The following DIAPH1 variants were observed in gnomAD, a reference collection of about 807,000 sequenced individuals.
DIAPH1 encodes diaphanous related formin 1.
A neutral mutation model predicts 140.7 loss-of-function variants in DIAPH1; 46 were observed. The observed-to-expected ratio is 0.33, with a 90% CI of 0.26 to 0.42. The LOEUF (loss-of-function observed/expected upper bound fraction) is 0.42. Ranked by LOEUF, DIAPH1 falls within the 10% of genes least tolerant of loss-of-function variation. DIAPH1 has a pLI of 1.00. For synonymous variants in DIAPH1, 565 were observed against 551.6 expected, an observed-to-expected ratio of 1.02 and a Z score of -0.34; for missense variants, 1,310 against 1,558.7, an observed-to-expected ratio of 0.84 and a Z score of 2.69.
intron 1 of DIAPH1, among the ~76,000 whole-genome samples, chr5:141,617,936 A>C (rs920046078): frequency 6.6e-6 from 1 of 152,232 alleles, no homozygotes; most frequent in Admixed American, 6.5e-5. Flanking sequence ...GGCAGTAGAA[A>C]AGGAGTAGAG....
At chr5:141,592,294 G>A (rs2154596864) in intron 1 of DIAPH1, among the ~76,000 whole-genome samples, 1 of 152,098 alleles carries the variant, frequency 6.6e-6, no homozygotes, top group East Asian at 1.9e-4. Context: ...CACTCAAACA[G>A]CAAGCTCAAT....
chr5:141,520,709 A>C (rs1307188619), intron 27 of DIAPH1, among the ~76,000 whole-genome samples: 1 of 152,138 alleles, frequency 6.6e-6, no homozygotes, highest in Admixed American at 6.6e-5. Context: ...ACCTTCCTGA[A>C]GCAATGTCAT....
chr5:141,601,083 G>T (rs1193251880), intron 1 of DIAPH1, among the ~76,000 whole-genome samples: 3 of 151,940 alleles, frequency 2.0e-5, no homozygotes, highest in African/African-American at 4.8e-5. Context: ...GTTGTGGGAT[G>T]GGGGGAGAGG....
At position 141,515,248 on chromosome 5, in the gene DIAPH1, CA is replaced by C. The variant is rs2099885505; in HGVS notation, c.*1602del. 6.6e-6 allele frequency: 1 copy of C among 152,496 alleles called. No individual in the cohort carries two copies. The highest frequency in any genetic ancestry group is 1.5e-5 in the Non-Finnish European group (1 of 68,034). The allele number at this position is 152,496 out of a possible 1,614,324, so 9.4% of individuals were successfully genotyped here. A position where few individuals can be genotyped will look rare whatever the true frequency, so the allele number is the denominator to read the frequency against. ...GGGAGGAGGTGACCCAGGGGAGCAA[CA>C]GACGCCCTGCATCAGAGTCCTCCCA... On this transcript the variant is annotated 3_prime_UTR_variant, in exon 28 of 28. Coordinates refer to ENST00000389054, the MANE Select transcript of DIAPH1 (RefSeq NM_005219.5).
In DIAPH1 at chr5:141,618,957, C is replaced by T; in HGVS notation, c.-43G>A. The T allele has an allele frequency of 8.2e-7, 1 of 1,217,408 alleles. No homozygotes were observed. Among genetic ancestry groups the T allele is most frequent in the Middle Eastern group, 2.9e-4 (1 of 3,474 alleles). The allele number at this position is 1,217,408 out of a possible 1,614,324, so 75.4% of individuals were successfully genotyped here. A position where few individuals can be genotyped will look rare whatever the true frequency, so the allele number is the denominator to read the frequency against. On this transcript the variant is annotated 5_prime_UTR_variant, in exon 1 of 28. Transcript: ENST00000389054. ...CCGGCGACCCCGCGCCTACGCCGCT[C>T]CCGCCTGGCAGCTCCGCGCCCGCCG...
At chr5:141,590,749 A>AC in intron 1 of DIAPH1, among the ~76,000 whole-genome samples, 1 of 151,948 alleles carries the variant, frequency 6.6e-6, no homozygotes, top group Admixed American at 6.6e-5. Context: ...TTTAAAAAAA[A>AC]AAAAAGGGTG....
At chr5:141,574,269 A>T in intron 15 of DIAPH1, 61 bp from the exon 16 acceptor site, 1 of 1,543,242 alleles carries the variant, frequency 6.5e-7, no homozygotes, top group Non-Finnish European at 8.9e-7. Context: ...CTGGGACTGG[A>T]AGGAACCTAA....
At chr5:141,606,318 T>C (rs2099900955) in intron 1 of DIAPH1, among the ~76,000 whole-genome samples, 1 of 152,230 alleles carries the variant, frequency 6.6e-6, no homozygotes, top group Non-Finnish European at 1.5e-5. Flanking sequence ...TCAAATAATA[T>C]GGGAACTTAG....
intron 18 of DIAPH1, among the ~76,000 whole-genome samples, chr5:141,552,638 A>T (rs189398577): frequency 1.3e-5 from 2 of 152,354 alleles, no homozygotes; most frequent in East Asian, 3.9e-4. Flanking sequence ...CATTGTTTTA[A>T]GTCACTAAAT....
intron 19 of DIAPH1, among the ~76,000 whole-genome samples, chr5:141,530,678 G>A (rs2099888080): frequency 6.6e-6 from 1 of 152,024 alleles, no homozygotes; most frequent in Admixed American, 6.6e-5. Context: ...CCTCTTCACT[G>A]AGAAAAATCA....
At chr5:141,606,691 T>C (rs2099901023) in intron 1 of DIAPH1, among the ~76,000 whole-genome samples, 1 of 152,192 alleles carries the variant, frequency 6.6e-6, no homozygotes, top group Non-Finnish European at 1.5e-5. Context: ...TAAAAGTTGA[T>C]AGCCTTACAC....
At chr5:141,563,455 T>C (rs527316478) in intron 18 of DIAPH1, 1 of 152,284 alleles carries the variant, frequency 6.6e-6, no homozygotes, top group Admixed American at 6.5e-5. Flanking sequence ...CATGTAAACA[T>C]GTTACATGTT....
chr5:141,527,520 GA>G, intron 24 of DIAPH1, 52 bp downstream of exon 24: 1 of 1,603,562 alleles, frequency 6.2e-7, no homozygotes, highest in South Asian at 1.1e-5. Context: ...CCCACTACAG[GA>G]AGTTTTCTTT....
Position 141,582,320 on chromosome 5 carries a change from T to C in DIAPH1, c.676A>G (p.Asn226Asp). The C allele has an allele frequency of 6.2e-7, 1 of 1,613,710 alleles. No homozygotes were observed. The highest frequency in any genetic ancestry group is 8.5e-7 in the Non-Finnish European group (1 of 1,179,628). Residue 226 changes from asparagine (N) to aspartate (D), a missense_variant, in exon 7 of 28, where the codon AAC becomes GAC. Physicochemically the swap from Asn to Asp is conservative, Grantham distance 23 (BLOSUM62 1). This residue lies in a region of DIAPH1 where 377 missense variants were observed against 497.1 expected (regional missense o/e 0.76). Coordinates refer to ENST00000389054, the MANE Select transcript of DIAPH1 (RefSeq NM_005219.5). ...AATGGGAAAAATCTCACCTTGTTGT[T>C]CATAAAAGCTTTCAAGCAGCGAATG... ...EIIRCLKAFM[N>D]NKFGIKTMLE...
chr5:141,559,004 A>T (rs1311778021), intron 18 of DIAPH1, among the ~76,000 whole-genome samples: 3 of 152,130 alleles, frequency 2.0e-5, no homozygotes, highest in African/African-American at 7.2e-5. Context: ...TCTCTCAGGC[A>T]TATATGAAAG....
chr5:141,572,894 A>G (rs979614038), intron 16 of DIAPH1, among the ~76,000 whole-genome samples: 1 of 152,176 alleles, frequency 6.6e-6, no homozygotes, highest in Non-Finnish European at 1.5e-5. Flanking sequence ...GTGAATGACT[A>G]TTATCAAACT....
chr5:141,576,933 C>T, intron 12 of DIAPH1, 62 bp from the exon 13 acceptor site: 1 of 1,085,888 alleles, frequency 9.2e-7, no homozygotes, highest in Non-Finnish European at 1.4e-6. Context: ...CAGAAGTATT[C>T]AGGACCAAGA....
At chr5:141,537,170 A>G (rs754836452) in intron 18 of DIAPH1, among the ~76,000 whole-genome samples, 41 of 152,022 alleles carry the variant, frequency 2.7e-4, no homozygotes, top group Admixed American at 1.4e-3. Flanking sequence ...CCTAGTCTCC[A>G]AAAAACGAAA....
chr5:141,518,312 G>GAAAAAAA (rs55840265), intron 27 of DIAPH1, among the ~76,000 whole-genome samples: 2 of 115,336 alleles, frequency 1.7e-5, no homozygotes, highest in African/African-American at 3.3e-5. Context: ...AGCTCAATTG[G>GAAAAAAA]AAAAAAAAAA....
Sources: allele counts gnomAD v4.1 joint callset (sites outside exome capture counted in the v4.1 genomes callset), GRCh38; gene constraint gnomAD v4.1.1; regional missense constraint gnomAD v4.1.1; transcripts MANE v1.5; gene names NCBI Gene and HGNC (gene_info 2026-07-23, HGNC 2026-07-21).